Variants in GRIN2A observed in about 807,000 individuals in gnomAD.
The protein encoded by GRIN2A is glutamate receptor ionotropic, NMDA 2A.
Under a neutral mutation model 113.4 loss-of-function variants are expected in GRIN2A, and 22 were observed. That is an observed-to-expected ratio of 0.19 (90% confidence interval 0.14 to 0.28). The LOEUF is 0.28. Ranked by LOEUF, GRIN2A falls within the 10% of genes least tolerant of loss-of-function variation. GRIN2A has a pLI of 1.00. For synonymous variants in GRIN2A, 827 were observed against 738.4 expected (o/e 1.12, Z -1.94); for missense variants, 1,502 against 1,887.0 (o/e 0.80, Z 3.78).
At chr16:9,981,950 C>G (rs976676333) in intron 2 of GRIN2A, among the ~76,000 whole-genome samples, 5 of 151,974 alleles carry the variant, frequency 3.3e-5, no homozygotes, top group East Asian at 3.9e-4. Flanking sequence ...CCATGCCTAG[C>G]TAATTTTTGT....
At chr16:9,828,407 T>C (rs1280209705) in intron 9 of GRIN2A, among the ~76,000 whole-genome samples, 5 of 152,218 alleles carry the variant, frequency 3.3e-5, no homozygotes, top group Admixed American at 6.5e-5. Flanking sequence ...GTGTGTATCA[T>C]GGATAAGCTG....
At chr16:9,814,627 T>A (rs1199355990) in intron 10 of GRIN2A, among the ~76,000 whole-genome samples, 2 of 152,208 alleles carry the variant, frequency 1.3e-5, no homozygotes, top group Non-Finnish European at 2.9e-5. Context: ...TTCCTTGTCC[T>A]GTTTAGTCAC....
rs982387253 is a variant in GRIN2A, at chr16:9,990,587, A to G, written c.415-52036T>C. ...CGCACACACACACACACACACACAC[A>G]CACACACACACGGTTGATGGAAAAT... On this transcript the variant is annotated intron_variant, in intron 2 of 12. Transcript: ENST00000330684. 9.9e-5 allele frequency among the ~76,000 whole-genome samples: 15 copies of G among 150,824 alleles called. No individual in the cohort carries two copies. The South Asian group carries it at 3.1e-3, about 32-fold the overall frequency.
chr16:10,039,806 G>GAGAGAGAGAGAGA (rs1555469296), intron 2 of GRIN2A, among the ~76,000 whole-genome samples: 2 of 54,578 alleles, frequency 3.7e-5, no homozygotes, highest in African/African-American at 2.1e-4. Flanking sequence ...GGGGGAGGGG[G>GAGAGAGAGAGAGA]GGGAGAAAGA....
At chr16:9,941,279 T>G (rs2044869103) in intron 2 of GRIN2A, among the ~76,000 whole-genome samples, 1 of 152,202 alleles carries the variant, frequency 6.6e-6, no homozygotes, top group Admixed American at 6.5e-5. Flanking sequence ...CCTTGCTCTA[T>G]GTACTCTGAG....
chr16:9,966,032 A>T (rs189597746), intron 2 of GRIN2A, among the ~76,000 whole-genome samples: 40 of 152,314 alleles, frequency 2.6e-4, no homozygotes, highest in Non-Finnish European at 4.3e-4. Flanking sequence ...CCAGAATCTG[A>T]ATTTTAACTA....
intron 9 of GRIN2A, 50 bp from the exon 10 acceptor site, chr16:9,822,474 G>A (rs566161022): frequency 1.7e-6 from 2 of 1,155,960 alleles, no homozygotes; most frequent in Non-Finnish European, 2.6e-6. Context: ...AGAAAGAGAA[G>A]GGAGGAGGGG....
At chr16:10,123,828 TCTTACTGTGTGCCTCAGCTTCCA>T (rs1214869848) in intron 2 of GRIN2A, among the ~76,000 whole-genome samples, 2 of 152,216 alleles carry the variant, frequency 1.3e-5, no homozygotes, top group Admixed American at 6.5e-5. Context: ...GTTTACCCTT[TCTTACTGTGTGCCTCAGCTTCCA>T]CATTTGCAGA....
chr16:9,780,207 A>G (rs1325092707), intron 11 of GRIN2A, among the ~76,000 whole-genome samples: 1 of 152,246 alleles, frequency 6.6e-6, no homozygotes, highest in Non-Finnish European at 1.5e-5. Flanking sequence ...GGTTCAAAGT[A>G]TCTACTAAAG....
Position 9,764,160 on chromosome 16 carries a change from G to A in GRIN2A, c.3384C>T (p.Phe1128=), listed in dbSNP as rs1596376035. The A allele has an allele frequency of 6.2e-7, 1 of 1,613,538 alleles. No homozygotes were observed. ...CAACAAACTGGGGTGGATCTAAGTG[G>A]AAACCAGGCTCCTTCTCACCATCTA... is the stretch of plus-strand genomic sequence containing the variant. ...YTIDGEKEPG[F]HLDPPQFVEN... The change falls in exon 13 of 13, where the codon TTC becomes TTT. Residue 1128 remains phenylalanine, a synonymous_variant. Coordinates refer to ENST00000330684, the MANE Select transcript of GRIN2A (RefSeq NM_001134407.3).
intron 12 of GRIN2A, 47 bp from the exon 13 acceptor site, chr16:9,764,995 C>A: frequency 2.5e-6 from 4 of 1,611,732 alleles, no homozygotes; most frequent in Non-Finnish European, 3.4e-6. Flanking sequence ...CAGCAGTGAA[C>A]ATGAAACCAC....
rs572710797 is a variant in GRIN2A at position 9,893,766 on chromosome 16, G to A, written c.1008-2666C>T. Among the ~76,000 whole-genome samples, 6 of 152,094 alleles carry A rather than the reference G, an allele frequency of 3.9e-5. No homozygotes were observed. In the East Asian group the frequency reaches 7.7e-4, roughly 20 times the overall value. ...ACAGGCATGAGCCACCACACCTGCCGGAAGGATATTTTCTTGATTTAACAA... is the reference window on the plus strand; with the variant it reads ...ACAGGCATGAGCCACCACACCTGCCAGAAGGATATTTTCTTGATTTAACAA... On this transcript the variant is annotated intron_variant, in intron 3 of 12. Transcript: ENST00000330684.
chr16:10,121,686 A>T (rs2048836643), intron 2 of GRIN2A: 1 of 152,218 alleles, frequency 6.6e-6, no homozygotes, highest in African/African-American at 2.4e-5. Flanking sequence ...AGTTGAGATC[A>T]TTATGCTGCT....
At chr16:10,122,011 C>T (rs2048845629) in intron 2 of GRIN2A, among the ~76,000 whole-genome samples, 1 of 152,154 alleles carries the variant, frequency 6.6e-6, no homozygotes, top group Non-Finnish European at 1.5e-5. Flanking sequence ...ACTCTTTTCA[C>T]AAAGGCTTCA....
intron 2 of GRIN2A, among the ~76,000 whole-genome samples, chr16:10,094,528 C>A (rs1160170003): frequency 6.6e-6 from 1 of 152,050 alleles, no homozygotes; most frequent in Non-Finnish European, 1.5e-5. Flanking sequence ...CAGCTCACTG[C>A]AACCTCCACC....
chr16:10,113,659 G>A (rs1275327505), intron 2 of GRIN2A, among the ~76,000 whole-genome samples: 2 of 152,132 alleles, frequency 1.3e-5, no homozygotes, highest in Non-Finnish European at 2.9e-5. Context: ...TGTATAAATT[G>A]TGTGCAATTA....
chr16:9,768,002 G>A (rs1442698466), intron 12 of GRIN2A, among the ~76,000 whole-genome samples: 3 of 152,182 alleles, frequency 2.0e-5, no homozygotes, highest in Non-Finnish European at 1.5e-5. Flanking sequence ...CTAGTGATGG[G>A]AGCCACAGGC....
chr16:9,888,815 C>T (rs914310549), intron 4 of GRIN2A, among the ~76,000 whole-genome samples: 1 of 151,894 alleles, frequency 6.6e-6, no homozygotes, highest in African/African-American at 2.4e-5. Flanking sequence ...TTTATCATAA[C>T]TGGATATTGA....
At chr16:9,890,638 T>A (rs1018997134) in intron 4 of GRIN2A, among the ~76,000 whole-genome samples, 10 of 152,172 alleles carry the variant, frequency 6.6e-5, no homozygotes, top group African/African-American at 2.4e-4. Context: ...AATTAGGAAG[T>A]TTAGGCAAAC....
Sources: gnomAD v4.1 joint callset for allele counts (sites outside exome capture counted in the v4.1 genomes callset) on GRCh38, gnomAD v4.1.1 for gene constraint, MANE v1.5 for transcripts, NCBI Gene and HGNC (gene_info 2026-07-23, HGNC 2026-07-21) for gene names.